The following DDHD1 variants were observed in gnomAD, a reference collection of about 807,000 sequenced individuals.
DDHD1 encodes phospholipase DDHD1.
In DDHD1, 49 loss-of-function variants were observed where a neutral mutation model predicts 96.4. That is an observed-to-expected ratio of 0.51 (90% CI 0.40 to 0.64). DDHD1 has a LOEUF of 0.64. Ranked by LOEUF, DDHD1 falls within the 30% of genes least tolerant of loss-of-function variation. The pLI is 0.00. For missense variants in DDHD1, 1,106 were observed against 1,161.2 expected (o/e 0.95, Z 0.69); for synonymous variants, 442 against 446.5 (o/e 0.99, Z 0.13).
rs778964152 is a variant in DDHD1, at chr14:53,061,099, T to C, written c.1842+27A>G. 15 of 1,589,502 alleles carry C rather than the reference T, an allele frequency of 9.4e-6. No individual in the cohort carries two copies. In the South Asian group the frequency reaches 1.6e-4, roughly 17 times the overall value. ...GTTAAAAAAAATACTGAGATCAATG[T>C]TGAAGAACACATTGCTCTTTCCTTA... On this transcript the variant is annotated intron_variant, in intron 8 of 12. Coordinates refer to ENST00000673822, the MANE Select transcript of DDHD1 (RefSeq NM_001160148.2).
chr14:53,071,200 T>C (rs1884478528), intron 6 of DDHD1, among the ~76,000 whole-genome samples: 4 of 152,126 alleles, frequency 2.6e-5, no homozygotes. Context: ...GGGACTGGAA[T>C]CAAGCAGTCT....
At chr14:53,053,511 T>G (rs143352192) in intron 11 of DDHD1, 51 of 152,226 alleles carry the variant, frequency 3.4e-4, no homozygotes, top group African/African-American at 1.2e-3. Context: ...TTATTCAGCC[T>G]CTAGGAGTGT....
intron 2 of DDHD1, chr14:53,096,300 TA>T: frequency 2.3e-6 from 1 of 433,254 alleles, no homozygotes; most frequent in Non-Finnish European, 3.1e-6. Context: ...GTATTAACTT[TA>T]AAAAATGAGT....
At chr14:53,069,108 GC>G (rs1241115044) in intron 6 of DDHD1, among the ~76,000 whole-genome samples, 10 of 151,970 alleles carry the variant, frequency 6.6e-5, no homozygotes, top group Admixed American at 1.3e-4. Flanking sequence ...GCTTAATTTG[GC>G]CCTGTGTTCT....
intron 4 of DDHD1, among the ~76,000 whole-genome samples, chr14:53,090,240 A>T (rs1886320566): frequency 2.6e-5 from 4 of 152,190 alleles, no homozygotes; most frequent in Admixed American, 2.6e-4. Flanking sequence ...GCTGGAGAGG[A>T]TGTGGAGAAA....
chr14:53,144,196 T>C (rs1890829213), intron 1 of DDHD1, among the ~76,000 whole-genome samples: 1 of 152,194 alleles, frequency 6.6e-6, no homozygotes, highest in South Asian at 2.1e-4. Context: ...CAACCAGATA[T>C]TCTAAAATAT....
At chr14:53,120,193 T>C (rs1888877320) in intron 1 of DDHD1, among the ~76,000 whole-genome samples, 1 of 152,180 alleles carries the variant, frequency 6.6e-6, no homozygotes. Context: ...TGAACTCCTA[T>C]TCACAATTGC....
intron 1 of DDHD1, among the ~76,000 whole-genome samples, chr14:53,140,311 A>G (rs970330921): frequency 3.9e-5 from 6 of 152,188 alleles, no homozygotes; most frequent in African/African-American, 1.4e-4. Context: ...AGGTGGGTAG[A>G]GCACCTGAGG....
chr14:53,134,752 C>G (rs527649736), intron 1 of DDHD1, among the ~76,000 whole-genome samples: 92 of 152,272 alleles, frequency 6.0e-4, no homozygotes, highest in Admixed American at 1.0e-3. Flanking sequence ...CCCTTGGGCA[C>G]TCTCTAATTG....
At chr14:53,139,075 GAA>G (rs768005875) in intron 1 of DDHD1, among the ~76,000 whole-genome samples, 659 of 58,768 alleles carry the variant, frequency 0.011, 3 homozygotes, top group African/African-American at 0.019. Context: ...TAATAGGAGA[GAA>G]AAAAAAAAAA....
At chr14:53,141,707 A>G (rs1298940036) in intron 1 of DDHD1, among the ~76,000 whole-genome samples, 1 of 152,208 alleles carries the variant, frequency 6.6e-6, no homozygotes, top group Non-Finnish European at 1.5e-5. Flanking sequence ...CTTCAAACTC[A>G]GAGTTCAAAG....
intron 11 of DDHD1, chr14:53,052,679 A>G (rs1217341068): frequency 6.6e-6 from 1 of 152,056 alleles, no homozygotes; most frequent in Non-Finnish European, 1.5e-5. Context: ...TCTTATTATA[A>G]TAGTCCAATT....
intron 1 of DDHD1, among the ~76,000 whole-genome samples, chr14:53,146,376 T>C (rs980349769): frequency 3.3e-5 from 5 of 150,890 alleles, no homozygotes; most frequent in Non-Finnish European, 1.5e-5. Context: ...TGGTGGCACA[T>C]GCCTGTACTC....
intron 1 of DDHD1, among the ~76,000 whole-genome samples, chr14:53,110,908 G>T (rs1267265194): frequency 6.6e-6 from 1 of 152,080 alleles, no homozygotes; most frequent in Admixed American, 6.5e-5. Flanking sequence ...CCCGGGAGGC[G>T]GAGGCTGCAG....
intron 1 of DDHD1, among the ~76,000 whole-genome samples, chr14:53,132,852 G>A (rs547868432): frequency 5.9e-5 from 9 of 152,192 alleles, no homozygotes; most frequent in Non-Finnish European, 1.2e-4. Context: ...GGTAGCTAAA[G>A]AAGCAGCTAG....
chr14:53,097,039 T>G (rs959956568), intron 2 of DDHD1, among the ~76,000 whole-genome samples: 4 of 151,972 alleles, frequency 2.6e-5, no homozygotes, highest in African/African-American at 9.6e-5. Flanking sequence ...ATATTTTAAG[T>G]AAGCAATTAT....
intron 12 of DDHD1, among the ~76,000 whole-genome samples, chr14:53,047,210 C>T (rs950240162): frequency 6.6e-6 from 1 of 152,092 alleles, no homozygotes; most frequent in East Asian, 1.9e-4. Flanking sequence ...AATCACTTGG[C>T]ATATCACAGA....
chr14:53,096,049 TA>T (rs1044592408), intron 2 of DDHD1: 3 of 806,440 alleles, frequency 3.7e-6, no homozygotes, highest in Non-Finnish European at 4.5e-6. Context: ...TTCTATGCTT[TA>T]AATGCAACTG....
intron 1 of DDHD1, among the ~76,000 whole-genome samples, chr14:53,126,422 C>G (rs2139819916): frequency 6.6e-6 from 1 of 152,310 alleles, no homozygotes; most frequent in South Asian, 2.1e-4. Context: ...GAGTGCAGTG[C>G]AGTGGAGCAA....
Sources: gnomAD v4.1 joint callset for allele counts (sites outside exome capture counted in the v4.1 genomes callset) on GRCh38, gnomAD v4.1.1 for gene constraint, MANE v1.5 for transcripts, NCBI Gene and HGNC (gene_info 2026-07-23, HGNC 2026-07-21) for gene names.